The following UNC13C variants were observed in gnomAD, a reference collection of about 807,000 sequenced individuals.
UNC13C encodes unc-13 homolog C.
In UNC13C, 174 loss-of-function variants were observed where a neutral mutation model predicts 245.4. The ratio of observed to expected loss-of-function variants is 0.71; its 90% CI spans 0.63 to 0.80. The LOEUF is 0.80. Ranked by LOEUF, UNC13C falls within the 30% of genes least tolerant of loss-of-function variation. UNC13C has a pLI of 0.00. For missense variants in UNC13C, 2,829 were observed against 2,602.9 expected, an observed-to-expected ratio of 1.09 and a Z score of -1.89; for synonymous variants, 992 against 895.1, an observed-to-expected ratio of 1.11 and a Z score of -1.93.
chr15:54,091,369 C>T (rs1206680595), intron 2 of UNC13C, among the ~76,000 whole-genome samples: 2 of 152,138 alleles, frequency 1.3e-5, no homozygotes, highest in Admixed American at 1.3e-4. Context: ...CCCATTTATT[C>T]TCGCAGATGG....
At chr15:54,424,279 T>TA (rs1325689740) in intron 19 of UNC13C, among the ~76,000 whole-genome samples, 8 of 151,914 alleles carry the variant, frequency 5.3e-5, no homozygotes, top group Non-Finnish European at 1.2e-4. Context: ...AGACTGCTGA[T>TA]ACTCAGCCAG....
chr15:54,352,862 G>A (rs925064823), intron 17 of UNC13C, among the ~76,000 whole-genome samples: 3 of 151,850 alleles, frequency 2.0e-5, no homozygotes, highest in African/African-American at 4.8e-5. Flanking sequence ...GTTCAATTTT[G>A]TTACCATTCC....
At chr15:54,179,583 T>G (rs2033729920) in intron 4 of UNC13C, among the ~76,000 whole-genome samples, 1 of 151,968 alleles carries the variant, frequency 6.6e-6, no homozygotes, top group South Asian at 2.1e-4. Context: ...TAAAGGAAGC[T>G]CTGAAAGAAA....
rs2140880213 is a variant in UNC13C, at chr15:54,258,561, G to T, written c.3449-5607G>T. On this transcript the variant is annotated intron_variant, in intron 8 of 32. Coordinates refer to ENST00000260323, the MANE Select transcript of UNC13C (RefSeq NM_001080534.3). ...TTGTATTTTTTTTAGTAGAGATGGA[G>T]TTCCACCATGTTGGCCAGGCTGGTT... Among the ~76,000 whole-genome samples the T allele has an allele frequency of 1.3e-5, 2 of 152,038 alleles. 1 individual carries two copies. The highest frequency in any genetic ancestry group is 4.2e-4 in the South Asian group (2 of 4,806).
chr15:54,602,209 G>A (rs1899475821), intron 30 of UNC13C, among the ~76,000 whole-genome samples: 1 of 152,204 alleles, frequency 6.6e-6, no homozygotes, highest in South Asian at 2.1e-4. Flanking sequence ...GCAGCCTGGA[G>A]GTAGAAGGGG....
intron 2 of UNC13C, among the ~76,000 whole-genome samples, chr15:54,031,146 A>C (rs1896341263): frequency 6.6e-6 from 1 of 152,176 alleles, no homozygotes; most frequent in South Asian, 2.1e-4. Context: ...TTCAGTTGAT[A>C]AGCTGCATCT....
intron 2 of UNC13C, among the ~76,000 whole-genome samples, chr15:54,079,140 T>A (rs899441119): frequency 1.3e-5 from 2 of 152,186 alleles, no homozygotes; most frequent in African/African-American, 2.4e-5. Context: ...ACTTTATTTC[T>A]GTGTTCTCTA....
chr15:54,188,301 C>A (rs2034065659), intron 4 of UNC13C, among the ~76,000 whole-genome samples: 1 of 152,166 alleles, frequency 6.6e-6, no homozygotes, highest in Non-Finnish European at 1.5e-5. Flanking sequence ...TTTGGATAAA[C>A]CCAAAATGTA....
At chr15:53,857,625 T>C in the UNC13C span, among the ~76,000 whole-genome samples, 2 of 152,282 alleles carry the variant, frequency 1.3e-5, no homozygotes, top group East Asian at 1.9e-4. Flanking sequence ...GTGTTAACCT[T>C]AGGCTCTGTG....
rs1214614722 is a variant in UNC13C, at chr15:54,254,409, GT to G, written c.3448+3968del. Among the ~76,000 whole-genome samples, 6 of 152,164 alleles carry G rather than the reference GT, an allele frequency of 3.9e-5. No individual in the cohort carries two copies. The East Asian group carries it at 1.2e-3, about 29-fold the overall frequency. ...TTTCAATAACAATTTTACAATATAT[GT>G]TTAAGTAATGAGTACTCAGGAAACT... On this transcript the variant is annotated intron_variant, in intron 8 of 32. Coordinates refer to ENST00000260323, the MANE Select transcript of UNC13C (RefSeq NM_001080534.3).
Position 54,315,461 on chromosome 15 carries a change from C to T in UNC13C, c.4269-6478C>T, listed in dbSNP as rs113620709. Among the ~76,000 whole-genome samples, 4 of 151,480 alleles carry T rather than the reference C, an allele frequency of 2.6e-5. 1 individual carries two copies. The highest frequency in any genetic ancestry group is 7.2e-5 in the African/African-American group (3 of 41,382). Reference sequence around the variant, plus strand: ...GTTTCCTGGGTTTACTTTTACCTATCTAGTATTTATTTAGTCTCAATTATA... The same window carrying T: ...GTTTCCTGGGTTTACTTTTACCTATTTAGTATTTATTTAGTCTCAATTATA... On this transcript the variant is annotated intron_variant, in intron 13 of 32. Transcript: ENST00000260323.
chr15:54,347,950 A>G (rs183970568), intron 17 of UNC13C, among the ~76,000 whole-genome samples: 8 of 152,226 alleles, frequency 5.3e-5, no homozygotes, highest in Admixed American at 5.2e-4. Flanking sequence ...CTTTATCTCT[A>G]TCAACCTGTG....
intron 4 of UNC13C, among the ~76,000 whole-genome samples, chr15:54,210,800 T>C (rs926754752): frequency 2.0e-5 from 3 of 152,152 alleles, no homozygotes; most frequent in African/African-American, 7.2e-5. Context: ...ATTGGCTTCT[T>C]GTTTGCAATG....
chr15:53,911,200 C>G, the UNC13C span: 1 of 152,222 alleles, frequency 6.6e-6, no homozygotes, highest in Non-Finnish European at 1.5e-5. Context: ...CCCAAGTGCA[C>G]AGCTTGGAGC....
At chr15:54,022,798 C>T (rs746988997) in intron 2 of UNC13C, among the ~76,000 whole-genome samples, 50 of 152,058 alleles carry the variant, frequency 3.3e-4, no homozygotes, top group East Asian at 1.9e-4. Flanking sequence ...TCTGTGCTTT[C>T]GGAGTCAAAG....
chr15:54,450,466 A>T (rs1040248801), intron 19 of UNC13C, among the ~76,000 whole-genome samples: 8 of 152,228 alleles, frequency 5.3e-5, no homozygotes, highest in Non-Finnish European at 1.2e-4. Context: ...AAGCCTCAGC[A>T]ATGGCGGGCG....
At chr15:54,378,694 A>T (rs1410528540) in intron 17 of UNC13C, among the ~76,000 whole-genome samples, 1 of 151,882 alleles carries the variant, frequency 6.6e-6, no homozygotes, top group Non-Finnish European at 1.5e-5. Context: ...AAATTTATAC[A>T]ATAAATTAAG....
chr15:54,537,242 C>A (rs1297526739), intron 26 of UNC13C, among the ~76,000 whole-genome samples: 1 of 151,528 alleles, frequency 6.6e-6, no homozygotes, highest in East Asian at 1.9e-4. Context: ...CACATACACA[C>A]ATACAAGAAA....
chr15:53,901,958 T>A, the UNC13C span, among the ~76,000 whole-genome samples: 1 of 152,168 alleles, frequency 6.6e-6, no homozygotes, highest in African/African-American at 2.4e-5. Context: ...TCTACAAAAT[T>A]AAGTTATTAC....
Sources: allele counts gnomAD v4.1 joint callset (sites outside exome capture counted in the v4.1 genomes callset), GRCh38; gene constraint gnomAD v4.1.1; transcripts MANE v1.5; gene names NCBI Gene and HGNC (gene_info 2026-07-23, HGNC 2026-07-21).